MYOF: variants seen among roughly 807,000 people sequenced by gnomAD.
MYOF encodes the protein myoferlin.
In MYOF, 244 loss-of-function variants were observed where a neutral mutation model predicts 284.2. That is an observed-to-expected ratio of 0.86 (90% CI 0.77 to 0.95). The LOEUF is 0.95. Ranked by LOEUF, MYOF falls within the 40% of genes least tolerant of loss-of-function variation. MYOF has a pLI of 0.00. For missense variants in MYOF, 2,496 were observed against 2,560.6 expected (o/e 0.97, Z 0.54); for synonymous variants, 904 against 919.7 (o/e 0.98, Z 0.31).
Position 93,313,067 on chromosome 10 carries a change from C to G in MYOF, c.5842G>C (p.Gly1948Arg). 3 of 1,613,894 alleles carry G rather than the reference C, an allele frequency of 1.9e-6. No individual in the cohort carries two copies. The South Asian group carries it at 3.3e-5, about 18-fold the overall frequency. Residue 1948 changes from glycine to arginine, a missense_variant, in exon 51 of 54, where the codon GGA (glycine) becomes CGA (arginine). Coordinates refer to ENST00000359263, the MANE Select transcript of MYOF (RefSeq NM_013451.4). ...TTCTCTGCGTAGCATGGCCACCATC[C>G]TTTCATGGACTTCTGCTCAAAGAGG... is the stretch of plus-strand genomic sequence containing the variant. ...ASLFEQKSMK[G>R]WWPCYAEKDG...
At chr10:93,360,056 G>T (rs1844996489) in intron 28 of MYOF, 78 bp from the exon 29 acceptor site, 1 of 1,537,312 alleles carries the variant, frequency 6.5e-7, no homozygotes, top group African/African-American at 1.4e-5. Flanking sequence ...GGAAACATTT[G>T]TTCACTCTCC....
intron 4 of MYOF, among the ~76,000 whole-genome samples, chr10:93,431,024 C>CTTTTTTTTTTTTTTT (rs113713765): frequency 1.7e-5 from 2 of 117,854 alleles, no homozygotes; most frequent in Non-Finnish European, 3.6e-5. Context: ...TTTTTCTTTT[C>CTTTTTTTTTTTTTTT]TTTTTTTTTT....
At chr10:93,442,985 C>A (rs1407339947) in intron 3 of MYOF, among the ~76,000 whole-genome samples, 6 of 151,638 alleles carry the variant, frequency 4.0e-5, no homozygotes, top group Non-Finnish European at 8.9e-5. Flanking sequence ...ATGGTGAAAC[C>A]CCGTCTCTGG....
chr10:93,369,922 GAC>G, intron 24 of MYOF, 146 bp from the exon 25 acceptor site: 2 of 1,012,250 alleles, frequency 2.0e-6, no homozygotes, highest in Non-Finnish European at 2.8e-6. Context: ...ATTTCCAGAT[GAC>G]CCTACAGCAA....
chr10:93,319,884 G>A lies in MYOF; in HGVS notation c.5586C>T (p.Ile1862=), dbSNP rs181874899. 4.4e-4 allele frequency: 712 copies of A among 1,613,968 alleles called. No homozygotes were observed. The highest frequency in any genetic ancestry group is 9.6e-4 in the East Asian group (43 of 44,874). ...TTTCAGAGCTCACTTTTTTCGCAACGATACAGAGTTGTTCGGCTGGAAGGT... is the reference window on the plus strand; with the variant it reads ...TTTCAGAGCTCACTTTTTTCGCAACAATACAGAGTTGTTCGGCTGGAAGGT... ...FDYLPAEQLC[I]VAKKEHFWSI... is the part of the protein sequence containing the mutation. Residue 1862 remains isoleucine, a synonymous_variant, in exon 49 of 54, where the codon ATC becomes ATT. Coordinates refer to ENST00000359263, the MANE Select transcript of MYOF (RefSeq NM_013451.4).
intron 12 of MYOF, 26 bp downstream of exon 12, chr10:93,401,392 T>C: frequency 6.2e-7 from 1 of 1,610,612 alleles, no homozygotes; most frequent in Non-Finnish European, 8.5e-7. Flanking sequence ...TCAACAATTC[T>C]GGGGCAAGAT....
At chr10:93,477,623 C>A (rs562053189) in intron 1 of MYOF, among the ~76,000 whole-genome samples, 26 of 151,386 alleles carry the variant, frequency 1.7e-4, no homozygotes, top group African/African-American at 5.6e-4. Flanking sequence ...CCAAGGCAGG[C>A]GGATCATGAG....
At position 93,351,773 on chromosome 10, in the gene MYOF, C is replaced by T. The variant is rs368030537; in HGVS notation, c.3555G>A (p.Thr1185=). 34 of 1,602,650 alleles carry T rather than the reference C, an allele frequency of 2.1e-5. No individual in the cohort carries two copies. The highest frequency in any genetic ancestry group is 2.3e-5 in the South Asian group (2 of 88,176). ...CATCGAATATAATTGTTTGGTCCCACGTGGGATTCAGGGTTGAATGGATGA... is the reference window on the plus strand; with the variant it reads ...CATCGAATATAATTGTTTGGTCCCATGTGGGATTCAGGGTTGAATGGATGA... ...TEIIHSTLNP[T]WDQTIIFDEV... is the part of the protein sequence containing the mutation. Residue 1185 remains threonine, a synonymous_variant, in exon 33 of 54, where the codon ACG becomes ACA. Coordinates refer to ENST00000359263, the MANE Select transcript of MYOF (RefSeq NM_013451.4).
chr10:93,470,469 C>T (rs747518718), intron 1 of MYOF, among the ~76,000 whole-genome samples: 6 of 151,352 alleles, frequency 4.0e-5, no homozygotes, highest in Non-Finnish European at 5.9e-5. Flanking sequence ...GGCACGATCT[C>T]GGCTCACTGC....
Position 93,306,940 on chromosome 10 carries a change from T to A in MYOF, c.*23A>T. 6.2e-7 allele frequency: 1 copy of A among 1,610,448 alleles called. No individual in the cohort carries two copies. Among genetic ancestry groups the A allele is most frequent in the Non-Finnish European group, 8.5e-7 (1 of 1,177,024 alleles). ...GGATTCTCTCATTGCTGGATGACTC[T>A]TGAAATGAAGCCTTTGCCTTTGTTA... On this transcript the variant is annotated 3_prime_UTR_variant, in exon 54 of 54. Coordinates refer to ENST00000359263, the MANE Select transcript of MYOF (RefSeq NM_013451.4).
At chr10:93,378,713 A>ATATATGTATG (rs1338159505) in intron 21 of MYOF, among the ~76,000 whole-genome samples, 3 of 124,934 alleles carry the variant, frequency 2.4e-5, no homozygotes. Flanking sequence ...ATATATATAT[A>ATATATGTATG]TATGTATATA....
chr10:93,404,319 C>T (rs1164689586), intron 7 of MYOF, 100 bp from the exon 8 acceptor site: 11 of 1,243,860 alleles, frequency 8.8e-6, no homozygotes, highest in Non-Finnish European at 1.3e-5. Flanking sequence ...AAATGCAAAA[C>T]ACAAATTCAA....
At position 93,472,805 on chromosome 10, in the gene MYOF, C is replaced by G. The variant is rs529464543; in HGVS notation, c.88+9302G>C. 2.2e-4 allele frequency among the ~76,000 whole-genome samples: 34 copies of G among 152,310 alleles called. No homozygotes were observed. In the South Asian group the frequency reaches 6.8e-3, roughly 31 times the overall value. On this transcript the variant is annotated intron_variant, in intron 1 of 53. Coordinates refer to ENST00000359263, the MANE Select transcript of MYOF (RefSeq NM_013451.4). ...ACAGCTGACCAGCATCCTGTTTATT[C>G]TGAACAGCTAAGCCTGGGCCACCCC... is the stretch of plus-strand genomic sequence containing the variant.
intron 6 of MYOF, 47 bp from the exon 7 acceptor site, chr10:93,408,962 G>A (rs564536402): frequency 5.0e-6 from 8 of 1,608,772 alleles, no homozygotes; most frequent in South Asian, 4.4e-5. Context: ...CCAGCACGTG[G>A]GATCCTTAGG....
intron 24 of MYOF, among the ~76,000 whole-genome samples, chr10:93,371,558 T>G (rs1845590414): frequency 6.6e-6 from 1 of 152,242 alleles, no homozygotes; most frequent in Non-Finnish European, 1.5e-5. Context: ...TGTAAAAATA[T>G]GTAGTTTATT....
intron 15 of MYOF, 60 bp from the exon 16 acceptor site, chr10:93,396,284 A>G (rs1031991062): frequency 5.9e-6 from 7 of 1,179,796 alleles, no homozygotes; most frequent in Non-Finnish European, 8.3e-6. Context: ...CCATCTAGGA[A>G]GATATGTCTT....
chr10:93,316,608 T>A (rs1718257849), intron 50 of MYOF, 106 bp downstream of exon 50: 3 of 1,044,172 alleles, frequency 2.9e-6, no homozygotes, highest in Non-Finnish European at 4.4e-6. Context: ...CAGGCCCCCA[T>A]TACCAAAAAG....
intron 1 of MYOF, among the ~76,000 whole-genome samples, chr10:93,476,582 A>G (rs1202962763): frequency 6.6e-6 from 1 of 152,110 alleles, no homozygotes; most frequent in Non-Finnish European, 1.5e-5. Flanking sequence ...CAACTTTATA[A>G]TTTCAAATAG....
At chr10:93,342,592 C>T (rs1270032628) in intron 38 of MYOF, among the ~76,000 whole-genome samples, 10 of 152,196 alleles carry the variant, frequency 6.6e-5, no homozygotes, top group Admixed American at 6.5e-4. Context: ...GTAACATAGT[C>T]ACATTTCTTA....
Sources: gnomAD v4.1 joint callset for allele counts (sites outside exome capture counted in the v4.1 genomes callset) on GRCh38, gnomAD v4.1.1 for gene constraint, MANE v1.5 for transcripts, NCBI Gene and HGNC (gene_info 2026-07-23, HGNC 2026-07-21) for gene names.